Variants in USP6NL observed in about 807,000 individuals in gnomAD.
USP6NL encodes USP6 N-terminal-like protein.
USP6NL carries 26 observed loss-of-function variants against 61.9 expected under a neutral mutation model. That is an observed-to-expected ratio of 0.42 (90% CI 0.31 to 0.58). The LOEUF is 0.58. Among genes scored for constraint, USP6NL ranks in the 20% least tolerant of loss-of-function variants. USP6NL has a pLI of 0.16. For missense variants in USP6NL, 1,114 were observed against 1,034.3 expected (o/e 1.08, Z -1.06); for synonymous variants, 432 against 390.1 (o/e 1.11, Z -1.27).
chr10:11,547,721 T>C (rs1836329162), intron 2 of USP6NL, among the ~76,000 whole-genome samples: 1 of 152,068 alleles, frequency 6.6e-6, no homozygotes, highest in Admixed American at 6.5e-5. Context: ...TTTGTATTTT[T>C]AGTAGAGACG....
chr10:11,522,279 A>C (rs1835241917), intron 4 of USP6NL, among the ~76,000 whole-genome samples: 1 of 152,272 alleles, frequency 6.6e-6, no homozygotes, highest in African/African-American at 2.4e-5. Context: ...TATTGTATTA[A>C]CATTGACACT....
chr10:11,583,104 G>A (rs1247712377), intron 2 of USP6NL, among the ~76,000 whole-genome samples: 2 of 150,918 alleles, frequency 1.3e-5, no homozygotes, highest in Non-Finnish European at 3.0e-5. Flanking sequence ...GTCCTTACAT[G>A]GAAAAAGAGT....
chr10:11,483,819 G>C (rs558576470), intron 13 of USP6NL, among the ~76,000 whole-genome samples: 2 of 152,040 alleles, frequency 1.3e-5, no homozygotes, highest in South Asian at 4.2e-4. Context: ...GCATTAGTTG[G>C]GGAAAGAAGA....
In USP6NL at chr10:11,518,439, A is replaced by G. The variant is rs1835050127; in HGVS notation, c.195+96T>C. The G allele has an allele frequency of 1.5e-5, 16 of 1,065,884 alleles. No homozygotes were observed. Among genetic ancestry groups the G allele is most frequent in the Middle Eastern group, 2.0e-4 (1 of 4,976 alleles). The allele number at this position is 1,065,884 out of a possible 1,614,324, so 66.0% of individuals were successfully genotyped here. A position where few individuals can be genotyped will look rare whatever the true frequency, so the allele number is the denominator to read the frequency against. ...CTAACAATGACTGTACCATTCCCAT[A>G]TAATATGGCACTTAAAATCACAAAG... On this transcript the variant is annotated intron_variant, in intron 5 of 14. Transcript: ENST00000609104. This position sits in a 1 kb window ranked among gnomAD's most constrained non-coding sequence, Gnocchi z 5.3.
chr10:11,539,419 G>T (rs896230125), intron 2 of USP6NL, among the ~76,000 whole-genome samples: 7 of 152,228 alleles, frequency 4.6e-5, no homozygotes, highest in African/African-American at 1.7e-4. Context: ...ATCACTTAGT[G>T]ACTCCCTGGA....
intron 7 of USP6NL, 102 bp from the exon 8 acceptor site, chr10:11,493,330 A>C: frequency 1.0e-6 from 1 of 971,900 alleles, no homozygotes. Context: ...TGGTTTAAAA[A>C]AATCACTCAA....
At chr10:11,557,534 A>T (rs1290733624) in intron 2 of USP6NL, among the ~76,000 whole-genome samples, 3 of 152,258 alleles carry the variant, frequency 2.0e-5, no homozygotes, top group Non-Finnish European at 2.9e-5. Context: ...AAATTGGATT[A>T]TCTCTAGCGT....
At chr10:11,544,158 A>C (rs1836184088) in intron 2 of USP6NL, among the ~76,000 whole-genome samples, 1 of 151,958 alleles carries the variant, frequency 6.6e-6, no homozygotes, top group Non-Finnish European at 1.5e-5. Context: ...TTCCACCCTC[A>C]ATTCACCTGG....
rs1213699931 is a variant in USP6NL at position 11,562,662 on chromosome 10, A to G, written c.4+34969T>C. ...TAATTATTTGTGACACTCAACATTC[A>G]TATGTTGTTAGCCACTTGTATTTCT... On this transcript the variant is annotated intron_variant, in intron 2 of 14. Coordinates refer to ENST00000609104, the MANE Select transcript of USP6NL (RefSeq NM_014688.5). This position sits in a 1 kb window ranked among gnomAD's most constrained non-coding sequence, Gnocchi z 4.8. The G allele has an allele frequency of 3.0e-6, 3 of 985,176 alleles. No individual in the cohort carries two copies. The highest frequency in any genetic ancestry group is 1.7e-5 in the African/African-American group (1 of 57,158). The allele number at this position is 985,176 out of a possible 1,614,324, so 61.0% of individuals were successfully genotyped here.
chr10:11,471,776 T>C (rs1361725290), intron 14 of USP6NL, among the ~76,000 whole-genome samples: 4 of 127,004 alleles, frequency 3.1e-5, no homozygotes, highest in Non-Finnish European at 3.1e-5. Context: ...AACTGAACAA[T>C]GAAAACACTT....
At chr10:11,555,451 TAGAGAGAGAGAGAG>T (rs71477267) in intron 2 of USP6NL, among the ~76,000 whole-genome samples, 1 of 61,004 alleles carries the variant, frequency 1.6e-5, no homozygotes, top group Admixed American at 2.4e-4. Flanking sequence ...TATATATATA[TAGAGAGAGAGAGAG>T]AGAGAAAGAG....
At position 11,525,671 on chromosome 10, in the gene USP6NL, T is replaced by C. The variant is rs1835385206; in HGVS notation, c.73-203A>G. 6.6e-6 allele frequency among the ~76,000 whole-genome samples: 1 copy of C among 152,208 alleles called. No individual in the cohort carries two copies. Among genetic ancestry groups the C allele is most frequent in the South Asian group, 2.1e-4 (1 of 4,832 alleles). On this transcript the variant is annotated intron_variant, in intron 3 of 14. Coordinates refer to ENST00000609104, the MANE Select transcript of USP6NL (RefSeq NM_014688.5). The surrounding 1 kb of genome is among the most constrained non-coding windows in gnomAD (Gnocchi z 5.0). ...CAAGATAAACACTATTTCCTAGTTATGACTCTGGAAGATGCTGTGTGTCAG... is the reference window on the plus strand; with the variant it reads ...CAAGATAAACACTATTTCCTAGTTACGACTCTGGAAGATGCTGTGTGTCAG...
chr10:11,532,134 G>A lies in USP6NL; in HGVS notation c.5-4567C>T. 2.2e-6 allele frequency: 3 copies of A among 1,374,940 alleles called. No individual in the cohort carries two copies. The highest frequency in any genetic ancestry group is 2.0e-6 in the Non-Finnish European group (2 of 999,308). The allele number at this position is 1,374,940 out of a possible 1,614,324, so 85.2% of individuals were successfully genotyped here. A position where few individuals can be genotyped will look rare whatever the true frequency, so the allele number is the denominator to read the frequency against. ...TTTCCTAGAGTACATTTTGACAGAT[G>A]AACGTTAAAAATATAAACAACATCA... is the stretch of plus-strand genomic sequence containing the variant. On this transcript the variant is annotated intron_variant, in intron 2 of 14. Coordinates refer to ENST00000609104, the MANE Select transcript of USP6NL (RefSeq NM_014688.5). The surrounding 1 kb of genome is among the most constrained non-coding windows in gnomAD (Gnocchi z 4.1).
intron 2 of USP6NL, among the ~76,000 whole-genome samples, chr10:11,543,583 TA>T (rs1836153091): frequency 6.6e-6 from 1 of 151,958 alleles, no homozygotes; most frequent in Admixed American, 6.6e-5. Flanking sequence ...GAAACATCTA[TA>T]TAATCTACCA....
At chr10:11,479,670 G>A (rs1477519404) in intron 14 of USP6NL, among the ~76,000 whole-genome samples, 1 of 151,688 alleles carries the variant, frequency 6.6e-6, no homozygotes, top group Non-Finnish European at 1.5e-5. Context: ...CCACCTCCCG[G>A]GTTCATGCCA....
intron 2 of USP6NL, among the ~76,000 whole-genome samples, chr10:11,566,469 C>T (rs138776881): frequency 1.2e-3 from 184 of 152,284 alleles, no homozygotes; most frequent in African/African-American, 4.1e-3. Context: ...TCCACATTCA[C>T]GAACTTATAA....
At chr10:11,555,839 G>C (rs1189084467) in intron 2 of USP6NL, among the ~76,000 whole-genome samples, 1 of 152,144 alleles carries the variant, frequency 6.6e-6, no homozygotes, top group African/African-American at 2.4e-5. Flanking sequence ...ATGAAAGTCA[G>C]AAGATAATGA....
rs1398884998 is a variant in USP6NL, at chr10:11,463,862, A to C, written c.1079-13T>G. 1.4e-6 allele frequency: 2 copies of C among 1,456,892 alleles called. No homozygotes were observed. The highest frequency in any genetic ancestry group is 5.7e-5 in the Admixed American group (2 of 35,016). 90.2% of individuals were successfully genotyped at this position (1,456,892 alleles called of 1,614,324 possible). On this transcript the variant is annotated splice_polypyrimidine_tract_variant and intron_variant, in intron 14 of 14. Transcript: ENST00000609104. This position sits in a 1 kb window ranked among gnomAD's most constrained non-coding sequence, Gnocchi z 6.3. ...TCATCCTCTTTACCTGAAAAGAAAG[A>C]GAAAGGCTAAGTAAGATAATACACG...
Position 11,463,646 on chromosome 10 carries a change from C to A in USP6NL, c.1282G>T (p.Ala428Ser), listed in dbSNP as rs764393385. Reference sequence around the variant, plus strand: ...ACCGATTTCCGTCTTGGCGGCTGTGCTCTCTCGGGCGTCCCGGTCCTGCTC... The same window carrying A: ...ACCGATTTCCGTCTTGGCGGCTGTGATCTCTCGGGCGTCCCGGTCCTGCTC... Reference protein sequence around the residue: ...PQSRTGTPERAQPPRRKSVEE... With the variant: ...PQSRTGTPERSQPPRRKSVEE... Residue 428 changes from alanine (A) to serine (S), a missense_variant, in exon 15 of 15, where the codon GCA becomes TCA. Coordinates refer to ENST00000609104, the MANE Select transcript of USP6NL (RefSeq NM_014688.5). The surrounding 1 kb of genome is among the most constrained non-coding windows in gnomAD (Gnocchi z 6.3). The A allele has an allele frequency of 6.2e-7, 1 of 1,613,960 alleles. No homozygotes were observed. Among genetic ancestry groups the A allele is most frequent in the Admixed American group, 1.7e-5 (1 of 60,022 alleles).
Sources: allele counts gnomAD v4.1 joint callset (sites outside exome capture counted in the v4.1 genomes callset), GRCh38; gene constraint gnomAD v4.1.1; non-coding constraint Gnocchi (gnomAD v3.1); transcripts MANE v1.5; gene names NCBI Gene and HGNC (gene_info 2026-07-23, HGNC 2026-07-21).